The following ELAVL3 variants were observed in gnomAD, a reference collection of about 807,000 sequenced individuals.
ELAVL3 encodes ELAV-like protein 3.
Under a neutral mutation model 34.2 loss-of-function variants are expected in ELAVL3, and 8 were observed. The ratio of observed to expected loss-of-function variants is 0.23; its 90% CI spans 0.14 to 0.42. ELAVL3 has a LOEUF of 0.42. ELAVL3 is among the 10% of genes least tolerant of loss of function. The pLI is 1.00. For synonymous variants in ELAVL3, 209 were observed against 222.1 expected, an observed-to-expected ratio of 0.94 and a Z score of 0.53; for missense variants, 273 against 518.8, an observed-to-expected ratio of 0.53 and a Z score of 4.60.
At chr19:11,463,744 G>A (rs1000439053) in intron 3 of ELAVL3, among the ~76,000 whole-genome samples, 2 of 152,034 alleles carry the variant, frequency 1.3e-5, no homozygotes, top group African/African-American at 4.8e-5. Context: ...GGCTGAGGTG[G>A]GTGGATCACG....
At chr19:11,457,317 G>T (rs1195954166) in intron 5 of ELAVL3, among the ~76,000 whole-genome samples, 169 bp from the exon 6 acceptor site, 1 of 152,038 alleles carries the variant, frequency 6.6e-6, no homozygotes, top group Non-Finnish European at 1.5e-5. Flanking sequence ...CGGAACCGTG[G>T]TCACTCAGGC....
At chr19:11,464,165 A>ATT (rs1463453278) in intron 3 of ELAVL3, among the ~76,000 whole-genome samples, 34 of 111,058 alleles carry the variant, frequency 3.1e-4, no homozygotes, top group African/African-American at 1.4e-3. Context: ...ATATATATAT[A>ATT]TATTTTTTTT....
At chr19:11,476,206 A>G (rs565014172) in intron 1 of ELAVL3, among the ~76,000 whole-genome samples, 3 of 152,160 alleles carry the variant, frequency 2.0e-5, no homozygotes, top group African/African-American at 7.2e-5. Flanking sequence ...TGAAACTTCC[A>G]GGTGGTTCTC....
chr19:11,476,493 G>A (rs1213066669), intron 1 of ELAVL3, among the ~76,000 whole-genome samples: 1 of 151,748 alleles, frequency 6.6e-6, no homozygotes, highest in Admixed American at 6.6e-5. Context: ...TGCAGGGAGC[G>A]TGATCATGCC....
At chr19:11,479,850 G>T (rs1433673459) in intron 1 of ELAVL3, among the ~76,000 whole-genome samples, 3 of 151,744 alleles carry the variant, frequency 2.0e-5, no homozygotes, top group African/African-American at 2.4e-5. Flanking sequence ...GGGGAGCCTG[G>T]ACCTGGCCTA....
rs1047577864 is a variant in ELAVL3 at position 11,454,913 on chromosome 19, C to A, written c.753-36G>T. On this transcript the variant is annotated intron_variant, in intron 6 of 6. Transcript: ENST00000359227. This position sits in a 1 kb window ranked among gnomAD's most constrained non-coding sequence, Gnocchi z 9.2. ...GGTCACGCGGGCTCTGCCCTGACCC[C>A]CCGCATGCTTCTGACCCCGTTGTGA... is the stretch of plus-strand genomic sequence containing the variant. 2 of 1,559,114 alleles carry A rather than the reference C, an allele frequency of 1.3e-6. No homozygotes were observed. The highest frequency in any genetic ancestry group is 3.6e-5 in the Admixed American group (2 of 56,334).
chr19:11,473,698 A>G (rs1971210711), intron 1 of ELAVL3, among the ~76,000 whole-genome samples: 1 of 152,230 alleles, frequency 6.6e-6, no homozygotes, highest in Admixed American at 6.5e-5. Context: ...AAAATTGCCA[A>G]AGATCATGCA....
intron 1 of ELAVL3, among the ~76,000 whole-genome samples, chr19:11,468,004 G>A (rs564031080): frequency 1.3e-5 from 2 of 152,188 alleles, no homozygotes; most frequent in South Asian, 2.1e-4. Flanking sequence ...GGCCCAGGCC[G>A]GTCTCAAACT....
In ELAVL3 at chr19:11,467,569, C is replaced by T. The variant is rs180817990; in HGVS notation, c.10-742G>A. On this transcript the variant is annotated intron_variant, in intron 1 of 6. Transcript: ENST00000359227. ...TGCGATCTCGGCTTGCTGCAACCTC[C>T]GCCTCTTGGGTTCAAGCGATTCTCC... Among the ~76,000 whole-genome samples the T allele has an allele frequency of 3.4e-3, 500 of 146,160 alleles. 11 individuals carry two copies. The highest frequency in any genetic ancestry group is 0.029 in the Admixed American group (435 of 14,750).
At chr19:11,463,095 G>C (rs1177359052) in intron 3 of ELAVL3, among the ~76,000 whole-genome samples, 1 of 152,176 alleles carries the variant, frequency 6.6e-6, no homozygotes, top group Non-Finnish European at 1.5e-5. Flanking sequence ...TGAGGGATTA[G>C]ATTTGGGGGT....
chr19:11,455,518 C>G (rs1970750115), intron 6 of ELAVL3, among the ~76,000 whole-genome samples: 1 of 152,012 alleles, frequency 6.6e-6, no homozygotes, highest in Non-Finnish European at 1.5e-5. Context: ...AACTCCCGAC[C>G]TCAGGTGATC....
intron 3 of ELAVL3, among the ~76,000 whole-genome samples, chr19:11,463,981 A>C (rs569678912): frequency 3.0e-4 from 44 of 148,268 alleles, no homozygotes; most frequent in Non-Finnish European, 5.6e-4. Flanking sequence ...AAAAAACCCC[A>C]AAAAATCAAA....
intron 1 of ELAVL3, among the ~76,000 whole-genome samples, chr19:11,479,311 G>A (rs548030108): frequency 6.6e-6 from 1 of 152,260 alleles, no homozygotes; most frequent in African/African-American, 2.4e-5. Flanking sequence ...CCAGGTGGGC[G>A]GGTCCCAGGG....
intron 3 of ELAVL3, among the ~76,000 whole-genome samples, chr19:11,465,833 T>A (rs1971041924): frequency 6.6e-6 from 1 of 150,886 alleles, no homozygotes; most frequent in East Asian, 2.0e-4. Flanking sequence ...AGATGGCAGA[T>A]GGGCCCCCAC....
At chr19:11,475,321 C>T (rs1971242440) in intron 1 of ELAVL3, among the ~76,000 whole-genome samples, 1 of 152,166 alleles carries the variant, frequency 6.6e-6, no homozygotes, top group African/African-American at 2.4e-5. Flanking sequence ...AGTCCTGGAT[C>T]TGTTTGCAGA....
Position 11,458,073 on chromosome 19 carries a change from G to T in ELAVL3, c.701C>A (p.Thr234Asn). The change falls in exon 5 of 7, where the codon ACC becomes AAC. Residue 234 changes from threonine (T) to asparagine (N), a missense_variant. Transcript: ENST00000359227. This position sits in a 1 kb window ranked among gnomAD's most constrained non-coding sequence, Gnocchi z 7.3. ...RRYAGPLHHQ[T>N]QRFRLDNLLN... is the part of the protein sequence containing the mutation. ...GCAGGGGGCTCACCGGAAACGCTGG[G>T]TCTGATGGTGTAGGGGGCCTGCGTA... is the stretch of plus-strand genomic sequence containing the variant. 1.9e-6 allele frequency: 3 copies of T among 1,612,828 alleles called. No homozygotes were observed. In the South Asian group the frequency reaches 3.3e-5, roughly 18 times the overall value.
At chr19:11,477,105 C>T (rs1462631717) in intron 1 of ELAVL3, among the ~76,000 whole-genome samples, 1 of 152,046 alleles carries the variant, frequency 6.6e-6, no homozygotes, top group African/African-American at 2.4e-5. Context: ...TAATTCAATT[C>T]AACAAATATT....
chr19:11,475,696 C>A (rs1242856188), intron 1 of ELAVL3, among the ~76,000 whole-genome samples: 1 of 151,538 alleles, frequency 6.6e-6, no homozygotes, highest in Admixed American at 6.6e-5. Flanking sequence ...TCACTGCAAC[C>A]TCCACCTCCC....
rs1971047915 is a variant in ELAVL3, at chr19:11,466,136, G to C, written c.333+36C>G. The stretch of plus-strand genomic sequence containing the variant: ...GGGGTTGGGGACAGTCAGTTGGGGT[G>C]GGCGGTCATGGGGGATTGGAGAAGG... On this transcript the variant is annotated intron_variant, in intron 3 of 6. Transcript: ENST00000359227. This position sits in a 1 kb window ranked among gnomAD's most constrained non-coding sequence, Gnocchi z 5.0. 4 of 1,588,744 alleles carry C rather than the reference G, an allele frequency of 2.5e-6. No individual in the cohort carries two copies. Among genetic ancestry groups the C allele is most frequent in the Non-Finnish European group, 3.5e-6 (4 of 1,157,710 alleles).
Sources: allele counts gnomAD v4.1 joint callset (sites outside exome capture counted in the v4.1 genomes callset), GRCh38; gene constraint gnomAD v4.1.1; non-coding constraint Gnocchi (gnomAD v3.1); transcripts MANE v1.5; gene names NCBI Gene and HGNC (gene_info 2026-07-23, HGNC 2026-07-21).